The following DHX29 variants were observed in gnomAD, a reference collection of about 807,000 sequenced individuals.
DHX29 encodes the protein DExH-box helicase 29, also known as ATP-dependent RNA helicase DHX29.
Under a neutral mutation model 167.9 loss-of-function variants are expected in DHX29, and 79 were observed. The observed-to-expected ratio is 0.47, with a 90% CI of 0.39 to 0.57. DHX29 has a LOEUF of 0.57. Among genes scored for constraint, DHX29 ranks in the 20% least tolerant of loss-of-function variants. The pLI, the probability that DHX29 is intolerant of heterozygous loss-of-function variation, is 0.00. For synonymous variants in DHX29, 530 were observed against 546.0 expected (o/e 0.97, Z 0.41); for missense variants, 1,347 against 1,593.4 (o/e 0.85, Z 2.63).
chr5:55,286,007 C>G (rs535479921), intron 8 of DHX29, 146 bp from the exon 9 acceptor site: 16 of 546,934 alleles, frequency 2.9e-5, no homozygotes, highest in African/African-American at 2.9e-4. Context: ...GTAATCCCAG[C>G]ACTTTGGGAG....
At position 55,281,372 on chromosome 5, in the gene DHX29, C is replaced by T; in HGVS notation, c.2109G>A (p.Glu703=). The T allele has an allele frequency of 6.4e-7, 1 of 1,573,918 alleles. No homozygotes were observed. Among genetic ancestry groups the T allele is most frequent in the Non-Finnish European group, 8.6e-7 (1 of 1,161,318 alleles). Residue 703 remains glutamate, a splice_region_variant and synonymous_variant, in exon 12 of 27, where the codon GAG becomes GAA. Coordinates refer to ENST00000251636, the MANE Select transcript of DHX29 (RefSeq NM_019030.4). ...LSNVSHVIVD[E]VHERSVQSDF... ...GAATACAACTATAGAATCCACTCAC[C>T]TCATCTACAATAACATGAGACACAT... is the stretch of plus-strand genomic sequence containing the variant.
At chr5:55,293,996 C>T (rs771500221) in intron 6 of DHX29, 21 bp downstream of exon 6, 1 of 1,599,888 alleles carries the variant, frequency 6.3e-7, no homozygotes, top group South Asian at 1.1e-5. Flanking sequence ...AGTTAGAAGC[C>T]TAACACAAAT....
rs1229843455 is a variant in DHX29 at position 55,267,141 on chromosome 5, T to C, written c.3522A>G (p.Leu1174=). 3.7e-6 allele frequency: 6 copies of C among 1,601,110 alleles called. No homozygotes were observed. The African/African-American group carries it at 8.0e-5, about 21-fold the overall frequency. The stretch of plus-strand genomic sequence containing the variant: ...AGAGATCCATATTAAGAATTACCTC[T>C]AGGGTTAACAGTGATGTTCTATTAA... ...NFLNRTSLLT[L]EDVKQELIKL... The change falls in exon 23 of 27, where the codon CTA becomes CTG. Residue 1174 remains leucine, a synonymous_variant. Coordinates refer to ENST00000251636, the MANE Select transcript of DHX29 (RefSeq NM_019030.4).
intron 12 of DHX29, chr5:55,279,727 T>G (rs944173125): frequency 1.9e-5 from 3 of 154,526 alleles, no homozygotes; most frequent in African/African-American, 7.7e-5. Flanking sequence ...TTGTTTTGTT[T>G]TGCTGTTTTT....
rs1044800259 is a variant in DHX29 at position 55,307,612 on chromosome 5, C to T, written c.-39G>A. On this transcript the variant is annotated 5_prime_UTR_variant, in exon 1 of 27. Coordinates refer to ENST00000251636, the MANE Select transcript of DHX29 (RefSeq NM_019030.4). ...CAGAAGATCCTTCGCGGCCCAGGCCCCGACGGTACCACTGCACAGCCGAGA... is the reference window on the plus strand; with the variant it reads ...CAGAAGATCCTTCGCGGCCCAGGCCTCGACGGTACCACTGCACAGCCGAGA... The T allele has an allele frequency of 2.5e-6, 4 of 1,608,298 alleles. No homozygotes were observed. The highest frequency in any genetic ancestry group is 2.7e-5 in the African/African-American group (2 of 74,814).
At position 55,256,457 on chromosome 5, in the gene DHX29, T is replaced by G. The variant is rs777482659; in HGVS notation, c.*31A>C. 2 of 1,565,064 alleles carry G rather than the reference T, an allele frequency of 1.3e-6. No individual in the cohort carries two copies. The highest frequency in any genetic ancestry group is 4.6e-5 in the East Asian group (2 of 43,736). The stretch of plus-strand genomic sequence containing the variant: ...TTTCATGACTGTATCTTCATCTTAA[T>G]TTTTAAAGCAGTTGACCATGAATTT... On this transcript the variant is annotated 3_prime_UTR_variant, in exon 27 of 27. Coordinates refer to ENST00000251636, the MANE Select transcript of DHX29 (RefSeq NM_019030.4).
chr5:55,269,789 T>C (rs1375929869), intron 20 of DHX29, 152 bp from the exon 21 acceptor site: 11 of 600,386 alleles, frequency 1.8e-5, no homozygotes, highest in East Asian at 3.1e-5. Flanking sequence ...TTTTTTATAA[T>C]GGGGGTAGAG....
intron 13 of DHX29, among the ~76,000 whole-genome samples, chr5:55,276,802 T>C (rs1225118974): frequency 6.6e-6 from 1 of 152,126 alleles, no homozygotes; most frequent in Admixed American, 6.5e-5. Context: ...TTTTTTCCCA[T>C]AGCCATCAGA....
intron 22 of DHX29, among the ~76,000 whole-genome samples, chr5:55,267,434 G>A (rs1264582255): frequency 6.6e-6 from 1 of 152,044 alleles, no homozygotes; most frequent in South Asian, 2.1e-4. Context: ...TTCCATTTAT[G>A]TTTAACAGTA....
chr5:55,296,277 A>G lies in DHX29; in HGVS notation c.448T>C (p.Leu150=). ...DIEDAMTNTL[L]YGGDLHSALD... ...GCAGAATGAAGGTCACCTCCATATA[A>G]GAGTGTATTGGTCATGGCATCTTCA... is the stretch of plus-strand genomic sequence containing the variant. Residue 150 remains leucine, a synonymous_variant, in exon 4 of 27, where the codon TTA becomes CTA. Coordinates refer to ENST00000251636, the MANE Select transcript of DHX29 (RefSeq NM_019030.4). 1 of 1,613,642 alleles carries G rather than the reference A, an allele frequency of 6.2e-7. No individual in the cohort carries two copies. Among genetic ancestry groups the G allele is most frequent in the Non-Finnish European group, 8.5e-7 (1 of 1,179,700 alleles).
chr5:55,289,000 G>T (rs1747892794), intron 8 of DHX29, among the ~76,000 whole-genome samples: 1 of 152,200 alleles, frequency 6.6e-6, no homozygotes, highest in Non-Finnish European at 1.5e-5. Flanking sequence ...CTCACATTTA[G>T]ATCTGTATTA....
chr5:55,298,979 G>C (rs62359221), intron 1 of DHX29, among the ~76,000 whole-genome samples: 7 of 145,692 alleles, frequency 4.8e-5, no homozygotes, highest in Non-Finnish European at 9.0e-5. Context: ...GCAGTGAGCC[G>C]AGATTGCGCC....
chr5:55,306,039 T>C (rs1271697267), intron 1 of DHX29, among the ~76,000 whole-genome samples: 1 of 152,084 alleles, frequency 6.6e-6, no homozygotes, highest in Non-Finnish European at 1.5e-5. Flanking sequence ...GGAATGTCAG[T>C]AAAAGACAAA....
At chr5:55,266,736 C>T (rs555465891) in intron 23 of DHX29, among the ~76,000 whole-genome samples, 4 of 152,028 alleles carry the variant, frequency 2.6e-5, no homozygotes, top group African/African-American at 7.2e-5. Context: ...CCACCTTGGT[C>T]TCCTGAGTAG....
intron 6 of DHX29, among the ~76,000 whole-genome samples, chr5:55,293,485 G>A (rs1343775564): frequency 6.6e-6 from 1 of 152,166 alleles, no homozygotes; most frequent in African/African-American, 2.4e-5. Context: ...CATTCTGATG[G>A]ATATATAGTG....
intron 16 of DHX29, among the ~76,000 whole-genome samples, chr5:55,274,013 G>A (rs149988413): frequency 0.01 from 1,563 of 151,630 alleles, 25 homozygotes; most frequent in African/African-American, 0.035. Context: ...ACTTGAACCC[G>A]GAGGCAGAGG....
At chr5:55,282,234 G>A (rs1006664965) in intron 11 of DHX29, among the ~76,000 whole-genome samples, 1 of 152,114 alleles carries the variant, frequency 6.6e-6, no homozygotes, top group Non-Finnish European at 1.5e-5. Context: ...CTCAGGAATG[G>A]AATTTTAAGC....
Position 55,259,891 on chromosome 5 carries a change from T to C in DHX29, c.4014A>G (p.Ser1338=). ...GATTTTCAAGCTTTTTTCTTAAAACTGAATCAATGAGAACTCTCAGCTGCT... is the reference window on the plus strand; with the variant it reads ...GATTTTCAAGCTTTTTTCTTAAAACCGAATCAATGAGAACTCTCAGCTGCT... ...IFKQLRVLID[S]VLRKKLENPK... is the part of the protein sequence containing the mutation. The change falls in exon 26 of 27, where the codon TCA becomes TCG. Residue 1338 remains serine, a synonymous_variant. Coordinates refer to ENST00000251636, the MANE Select transcript of DHX29 (RefSeq NM_019030.4). The C allele has an allele frequency of 1.2e-6, 2 of 1,612,614 alleles. No individual in the cohort carries two copies. Among genetic ancestry groups the C allele is most frequent in the Non-Finnish European group, 1.7e-6 (2 of 1,178,764 alleles).
intron 2 of DHX29, 38 bp downstream of exon 2, chr5:55,298,553 A>G: frequency 8.1e-7 from 1 of 1,235,446 alleles, no homozygotes; most frequent in Non-Finnish European, 1.2e-6. Context: ...AAAAGGGGGA[A>G]ACATTTCTTG....
Sources: gnomAD v4.1 joint callset for allele counts (sites outside exome capture counted in the v4.1 genomes callset) on GRCh38, gnomAD v4.1.1 for gene constraint, MANE v1.5 for transcripts, NCBI Gene and HGNC (gene_info 2026-07-23, HGNC 2026-07-21) for gene names.